SPATA31H1: variants seen among roughly 807,000 people sequenced by gnomAD.
The protein encoded by SPATA31H1 is SPATA31 subfamily H member 1.
chr2:27,577,026 A>G, the SPATA31H1 span: 2 of 1,614,158 alleles, frequency 1.2e-6, no homozygotes, highest in Non-Finnish European at 1.7e-6. The surrounding 1 kb of genome is among the most constrained non-coding windows in gnomAD (Gnocchi z 4.5). Context: ...TTTGATTTCA[A>G]TACCAATTTA....
At chr2:27,537,407 G>A in the SPATA31H1 span, 1 of 715,496 alleles carries the variant, frequency 1.4e-6, no homozygotes, top group Admixed American at 2.0e-5. Flanking sequence ...CTCTGGCTGA[G>A]AAGAGCATGG....
chr2:27,554,526 T>C, the SPATA31H1 span, among the ~76,000 whole-genome samples: 1 of 151,886 alleles, frequency 6.6e-6, no homozygotes, highest in Non-Finnish European at 1.5e-5. Context: ...TCTTACTGTG[T>C]TTTTACATGG....
At chr2:27,547,296 C>G in the SPATA31H1 span, among the ~76,000 whole-genome samples, 1 of 151,702 alleles carries the variant, frequency 6.6e-6, no homozygotes, top group East Asian at 1.9e-4. Context: ...GCCTCAGCCT[C>G]CCGAGTAGCT....
At chr2:27,581,098 G>A in the SPATA31H1 span, 1 of 1,614,190 alleles carries the variant, frequency 6.2e-7, no homozygotes, top group Non-Finnish European at 8.5e-7. Flanking sequence ...CCAGGAACCA[G>A]AGTTCAGGCC....
chr2:27,581,168 C>G, the SPATA31H1 span: 4 of 1,614,216 alleles, frequency 2.5e-6, no homozygotes, highest in Non-Finnish European at 3.4e-6. Context: ...ATCTTAAAGA[C>G]AAACTCACAC....
At chr2:27,554,104 T>C in the SPATA31H1 span, among the ~76,000 whole-genome samples, 1 of 152,028 alleles carries the variant, frequency 6.6e-6, no homozygotes, top group Non-Finnish European at 1.5e-5. Context: ...CTCGTCAGAA[T>C]GGCCTTTACT....
chr2:27,555,459 G>A, the SPATA31H1 span, among the ~76,000 whole-genome samples: 5 of 151,476 alleles, frequency 3.3e-5, no homozygotes, highest in African/African-American at 1.2e-4. Flanking sequence ...ATCACTTGAG[G>A]CCAGCAGTTT....
chr2:27,580,559 A>G, the SPATA31H1 span: 6 of 1,614,240 alleles, frequency 3.7e-6, no homozygotes, highest in South Asian at 6.6e-5. Flanking sequence ...GGATTGGAGC[A>G]ACTCAGACAA....
chr2:27,542,935 G>T, the SPATA31H1 span, among the ~76,000 whole-genome samples: 2 of 151,812 alleles, frequency 1.3e-5, no homozygotes, highest in African/African-American at 4.9e-5. Context: ...AAATTAGCTG[G>T]GTATGGTGGC....
the SPATA31H1 span, chr2:27,568,897 C>T: frequency 7.5e-6 from 3 of 398,878 alleles, no homozygotes; most frequent in East Asian, 3.6e-5. Flanking sequence ...CATGAAGCCA[C>T]AGAGCCTGAA....
chr2:27,538,636 A>G, the SPATA31H1 span, among the ~76,000 whole-genome samples: 1 of 152,046 alleles, frequency 6.6e-6, no homozygotes, highest in African/African-American at 2.4e-5. Flanking sequence ...GTTCGAGACC[A>G]GCCTGGCCAA....
At chr2:27,577,515 A>C in the SPATA31H1 span, 3 of 1,614,080 alleles carry the variant, frequency 1.9e-6, no homozygotes, top group East Asian at 6.7e-5. This position sits in a 1 kb window ranked among gnomAD's most constrained non-coding sequence, Gnocchi z 4.5. Context: ...CTGTCCTCAA[A>C]ACTTAGAATG....
At chr2:27,565,949 C>A in the SPATA31H1 span, 238 of 704,866 alleles carry the variant, frequency 3.4e-4, 1 homozygote, top group African/African-American at 3.6e-3. Flanking sequence ...ATAACTTCAT[C>A]TTTGTTTCCT....
chr2:27,582,614 A>T, the SPATA31H1 span: 1 of 1,340,616 alleles, frequency 7.5e-7, no homozygotes, highest in Non-Finnish European at 1.0e-6. Context: ...CACTGCCTCC[A>T]ATTCCTGCGC....
At chr2:27,552,874 A>G in the SPATA31H1 span, among the ~76,000 whole-genome samples, 1 of 152,036 alleles carries the variant, frequency 6.6e-6, no homozygotes, top group Admixed American at 6.5e-5. Context: ...TAGCTCTAAT[A>G]GGTTTCTTCT....
the SPATA31H1 span, chr2:27,537,402 G>C: frequency 1.4e-6 from 1 of 714,934 alleles, no homozygotes; most frequent in Non-Finnish European, 2.6e-6. Flanking sequence ...GAAAACTCTG[G>C]CTGAGAAGAG....
the SPATA31H1 span, chr2:27,578,107 C>T: frequency 6.8e-6 from 11 of 1,614,006 alleles, no homozygotes; most frequent in African/African-American, 1.3e-5. Flanking sequence ...GTTGTTCAAT[C>T]TGTGAAAGTG....
At chr2:27,582,514 A>T in the SPATA31H1 span, 6 of 1,603,354 alleles carry the variant, frequency 3.7e-6, no homozygotes, top group African/African-American at 6.7e-5. Flanking sequence ...TGGAGGCCTG[A>T]AGCTACTCGA....
the SPATA31H1 span, chr2:27,580,147 G>A: frequency 6.2e-7 from 1 of 1,614,140 alleles, no homozygotes; most frequent in South Asian, 1.1e-5. Flanking sequence ...ATACGGAGAA[G>A]CCCTATATCA....
Sources: gnomAD v4.1 joint callset for allele counts (sites outside exome capture counted in the v4.1 genomes callset) on GRCh38, gnomAD v4.1.1 for gene constraint, Gnocchi (gnomAD v3.1) non-coding constraint, MANE v1.5 for transcripts, NCBI Gene and HGNC (gene_info 2026-07-23, HGNC 2026-07-21) for gene names.